The following MMD2 variants were observed in gnomAD, a reference collection of about 807,000 sequenced individuals.
MMD2 encodes the protein monocyte to macrophage differentiation factor 2.
A neutral mutation model predicts 33.5 loss-of-function variants in MMD2; 30 were observed. The ratio of observed to expected loss-of-function variants is 0.90; its 90% CI spans 0.67 to 1.22. The LOEUF (loss-of-function observed/expected upper bound fraction) is 1.22, where lower values mean the gene tolerates loss of function less well. MMD2 is among the 50% of genes most tolerant of loss of function. The pLI, the probability that MMD2 is intolerant of heterozygous loss-of-function variation, is 0.00. For missense variants in MMD2, 364 were observed against 325.4 expected, an observed-to-expected ratio of 1.12 and a Z score of -0.91; for synonymous variants, 129 against 123.0, an observed-to-expected ratio of 1.05 and a Z score of -0.32.
intron 1 of MMD2, among the ~76,000 whole-genome samples, chr7:4,929,607 C>T (rs534335513): frequency 6.6e-6 from 1 of 152,116 alleles, no homozygotes; most frequent in Non-Finnish European, 1.5e-5. Flanking sequence ...TCACTGCAAC[C>T]TCTGCCTCCC....
At chr7:4,911,112 C>T (rs1442894648) in intron 5 of MMD2, 33 bp downstream of exon 5, 1 of 1,536,636 alleles carries the variant, frequency 6.5e-7, no homozygotes, top group South Asian at 1.2e-5. Context: ...CTAAGGGAAT[C>T]CCGCCTCCCT....
the MMD2 span, among the ~76,000 whole-genome samples, chr7:4,899,068 CCCTT>C: frequency 6.6e-6 from 1 of 151,966 alleles, no homozygotes; most frequent in Non-Finnish European, 1.5e-5. Flanking sequence ...GGGATTAGTA[CCCTT>C]ACACAAGAGG....
rs114884832 is a variant in MMD2 at position 4,954,106 on chromosome 7, A to G, written c.47+4865T>C. ...CTCAGCCTCCCAAAGCACTGGGGTT[A>G]CAGGCATCAGCCACTGCACCCAGAC... On this transcript the variant is annotated intron_variant, in intron 1 of 6. Transcript: ENST00000401401. Among the ~76,000 whole-genome samples, 694 of 152,254 alleles carry G rather than the reference A, an allele frequency of 4.6e-3. 4 individuals carry two copies. The highest frequency in any genetic ancestry group is 0.016 in the African/African-American group (674 of 41,564).
Position 4,925,496 on chromosome 7 carries a change from G to T in MMD2, c.84C>A (p.Tyr28Ter). 1 of 1,581,952 alleles carries T rather than the reference G, an allele frequency of 6.3e-7. No individual in the cohort carries two copies. The highest frequency in any genetic ancestry group is 8.6e-7 in the Non-Finnish European group (1 of 1,162,220). ...CCGCATGTTCATACTCTGTGGGCTG[G>T]TACCTCTTGTGGGCAGGGACTCGGT... The part of the protein sequence containing the change: ...MNHRVPAHKR[Y>*]QPTEYEHAAN... The change falls in exon 2 of 7, where the codon TAC (tyrosine) becomes TAA (stop). Residue 28 changes from tyrosine to a stop codon, truncating the protein, a stop_gained. Transcript: ENST00000401401. LOFTEE classifies it high-confidence loss of function.
the MMD2 span, among the ~76,000 whole-genome samples, chr7:4,896,848 CTCTATTCTTT>C: frequency 6.6e-6 from 1 of 151,614 alleles, no homozygotes; most frequent in Admixed American, 6.6e-5. Context: ...CTTTATTTTT[CTCTATTCTTT>C]TCTTTTCTTT....
chr7:4,934,093 C>T (rs1221450328), intron 1 of MMD2, among the ~76,000 whole-genome samples: 5 of 151,868 alleles, frequency 3.3e-5, no homozygotes, highest in Middle Eastern at 3.4e-3. Flanking sequence ...CCACACCCAG[C>T]TAATTTTTGA....
intron 1 of MMD2, among the ~76,000 whole-genome samples, chr7:4,951,744 C>T (rs1786249261): frequency 6.6e-6 from 1 of 152,106 alleles, no homozygotes; most frequent in Non-Finnish European, 1.5e-5. Context: ...GGACTACAGG[C>T]ATGAGCCACT....
downstream of MMD2, among the ~76,000 whole-genome samples, chr7:4,905,657 A>AC (rs983515140): frequency 6.6e-6 from 1 of 151,790 alleles, no homozygotes; most frequent in African/African-American, 2.4e-5. This position sits in a 1 kb window ranked among gnomAD's most constrained non-coding sequence, Gnocchi z 5.0. Context: ...AACCCCCAGA[A>AC]CCCCCTCTCC....
In MMD2 at chr7:4,924,560, T is replaced by A. The variant is rs866919065; in HGVS notation, c.129+891A>T. ...CCAGGAACTGTTTGCTGAATGAATG[T>A]GTGATGGACAGCTGGCATGGTGATG... On this transcript the variant is annotated intron_variant, in intron 2 of 6. Transcript: ENST00000401401. Among the ~76,000 whole-genome samples, 35 of 152,256 alleles carry A rather than the reference T, an allele frequency of 2.3e-4. No homozygotes were observed. In the South Asian group the frequency reaches 2.9e-3, roughly 13 times the overall value.
chr7:4,947,692 CTTTTT>C (rs71033002), intron 1 of MMD2, among the ~76,000 whole-genome samples: 1 of 35,844 alleles, frequency 2.8e-5, no homozygotes, highest in Non-Finnish European at 4.9e-5. Context: ...TGCACCTGGC[CTTTTT>C]TTTTTTTTTT....
chr7:4,928,032 G>A (rs13224720), intron 1 of MMD2, among the ~76,000 whole-genome samples: 21,702 of 152,162 alleles, frequency 0.14, 1,974 homozygotes, highest in South Asian at 0.29. Flanking sequence ...CTGGGTCTAA[G>A]GTCTGCACAC....
rs757004222 is a variant in MMD2 at position 4,946,916 on chromosome 7, AAGG to A, written c.47+12052_47+12054del. On this transcript the variant is annotated intron_variant, in intron 1 of 6. Transcript: ENST00000401401. The surrounding 1 kb of genome is among the most constrained non-coding windows in gnomAD (Gnocchi z 5.0). ...CTGAGACTGGGTAATTCATAAAGAA[AAGG>A]AGTTTAGGCTGGGTGTGGTGGCTCA... Among the ~76,000 whole-genome samples, 4 of 152,066 alleles carry A rather than the reference AAGG, an allele frequency of 2.6e-5. No homozygotes were observed. Among genetic ancestry groups the A allele is most frequent in the East Asian group, 3.9e-4 (2 of 5,182 alleles).
chr7:4,915,935 T>C (rs887718345), intron 4 of MMD2, 70 bp downstream of exon 4: 33 of 1,501,066 alleles, frequency 2.2e-5, no homozygotes, highest in Non-Finnish European at 2.4e-5. Flanking sequence ...CCCAGCCAAA[T>C]AGAAAAATAA....
At chr7:4,899,287 T>C in the MMD2 span, among the ~76,000 whole-genome samples, 6 of 152,272 alleles carry the variant, frequency 3.9e-5, no homozygotes, top group African/African-American at 1.2e-4. Flanking sequence ...GCAGCCAAAA[T>C]AGACAAAGGC....
Position 4,906,478 on chromosome 7 carries a change from G to C in MMD2, c.*918C>G. On this transcript the variant is annotated 3_prime_UTR_variant, in exon 7 of 7. Coordinates refer to ENST00000401401, the MANE Select transcript of MMD2 (RefSeq NM_198403.4). ...CTTAAGTATGGAGCAGGGAGCAAGT[G>C]CCTGGGGGCTGTTTGCCCCATCTTA... 1 of 398,608 alleles carries C rather than the reference G, an allele frequency of 2.5e-6. No individual in the cohort carries two copies. Among genetic ancestry groups the C allele is most frequent in the South Asian group, 1.3e-4 (1 of 7,856 alleles). The allele number at this position is 398,608 out of a possible 1,614,324, so 24.7% of individuals were successfully genotyped here. A position where few individuals can be genotyped will look rare whatever the true frequency, so the allele number is the denominator to read the frequency against.
At chr7:4,951,685 A>G (rs1328640566) in intron 1 of MMD2, among the ~76,000 whole-genome samples, 1 of 151,966 alleles carries the variant, frequency 6.6e-6, no homozygotes, top group Non-Finnish European at 1.5e-5. Flanking sequence ...CTGTAACCTC[A>G]ATCTCCTAGG....
chr7:4,918,337 G>A (rs1206864138), intron 3 of MMD2, among the ~76,000 whole-genome samples: 1 of 152,162 alleles, frequency 6.6e-6, no homozygotes, highest in Non-Finnish European at 1.5e-5. Context: ...TGTATGCACG[G>A]CTCAACTGCA....
intron 1 of MMD2, among the ~76,000 whole-genome samples, chr7:4,952,542 C>A (rs1454794404): frequency 1.3e-5 from 2 of 152,192 alleles, no homozygotes; most frequent in Non-Finnish European, 2.9e-5. Context: ...GTTTATTTGG[C>A]ACCTACTGTA....
intron 4 of MMD2, among the ~76,000 whole-genome samples, chr7:4,911,510 G>A (rs1785007345): frequency 6.6e-6 from 1 of 152,152 alleles, no homozygotes; most frequent in African/African-American, 2.4e-5. Flanking sequence ...CATACTGGTG[G>A]GATTATGAAC....
Sources: allele counts gnomAD v4.1 joint callset (sites outside exome capture counted in the v4.1 genomes callset), GRCh38; gene constraint gnomAD v4.1.1; non-coding constraint Gnocchi (gnomAD v3.1); transcripts MANE v1.5; gene names NCBI Gene and HGNC (gene_info 2026-07-23, HGNC 2026-07-21).